AGPS: variants seen among roughly 807,000 people sequenced by gnomAD.
AGPS encodes the protein alkyldihydroxyacetonephosphate synthase, peroxisomal.
In AGPS, 26 loss-of-function variants were observed where a neutral mutation model predicts 90.7. The ratio of observed to expected loss-of-function variants is 0.29; its 90% confidence interval spans 0.21 to 0.40. The LOEUF (loss-of-function observed/expected upper bound fraction) is 0.40, where lower values mean the gene tolerates loss of function less well. Among genes scored for constraint, AGPS ranks in the 10% least tolerant of loss-of-function variants. The pLI, the probability that AGPS is intolerant of heterozygous loss-of-function variation, is 1.00. For synonymous variants in AGPS, 294 were observed against 285.3 expected (o/e 1.03, Z -0.31); for missense variants, 540 against 816.1 (o/e 0.66, Z 4.12).
At chr2:177,427,853 C>G (rs1686126480) in intron 2 of AGPS, among the ~76,000 whole-genome samples, 2 of 152,180 alleles carry the variant, frequency 1.3e-5, no homozygotes, top group African/African-American at 4.8e-5. Context: ...TCTGCTTGAT[C>G]CAAAGCTGAG....
At chr2:177,528,314 A>G (rs1231509280) in intron 19 of AGPS, among the ~76,000 whole-genome samples, 12 of 152,176 alleles carry the variant, frequency 7.9e-5, no homozygotes, top group Admixed American at 7.9e-4. Flanking sequence ...AAAAAAATCA[A>G]TGGTTTCTTC....
chr2:177,418,018 T>C (rs1685835547), intron 1 of AGPS, among the ~76,000 whole-genome samples: 1 of 152,114 alleles, frequency 6.6e-6, no homozygotes, highest in Non-Finnish European at 1.5e-5. Flanking sequence ...TAGATTTTAA[T>C]TGTATATGAT....
Position 177,508,007 on chromosome 2 carries a change from T to C in AGPS, c.1583T>C (p.Phe528Ser). Residue 528 changes from phenylalanine to serine, a missense_variant, in exon 16 of 20, where the codon TTT becomes TCT. By Grantham distance (155) the Phe-to-Ser change is radical. Coordinates refer to ENST00000264167, the MANE Select transcript of AGPS (RefSeq NM_003659.4). ...ALEYYVLGES[F>S]ETSAPWDRVV... ...GAATACTATGTATTAGGAGAATCTTTTGAGACTTCTGCTCCTTGGGACAGG... is the reference window on the plus strand; with the variant it reads ...GAATACTATGTATTAGGAGAATCTTCTGAGACTTCTGCTCCTTGGGACAGG... The C allele has an allele frequency of 6.2e-7, 1 of 1,612,986 alleles. No individual in the cohort carries two copies. The highest frequency in any genetic ancestry group is 8.5e-7 in the Non-Finnish European group (1 of 1,179,046).
chr2:177,438,907 C>T (rs1574367990), intron 5 of AGPS, among the ~76,000 whole-genome samples: 1 of 151,810 alleles, frequency 6.6e-6, no homozygotes, highest in Non-Finnish European at 1.5e-5. Flanking sequence ...TGCAGGAGGC[C>T]TAGTTTTGAG....
intron 11 of AGPS, among the ~76,000 whole-genome samples, chr2:177,484,750 A>T (rs1014029809): frequency 6.6e-6 from 1 of 152,106 alleles, no homozygotes; most frequent in Non-Finnish European, 1.5e-5. Flanking sequence ...ATGAAAAAAA[A>T]TATGAATGCC....
intron 13 of AGPS, among the ~76,000 whole-genome samples, chr2:177,498,969 CTT>C (rs1350808244): frequency 6.6e-6 from 1 of 151,658 alleles, no homozygotes; most frequent in Non-Finnish European, 1.5e-5. Flanking sequence ...ATTTTAGAAA[CTT>C]TTCATCATTT....
intron 10 of AGPS, among the ~76,000 whole-genome samples, chr2:177,474,436 A>G (rs1418582172): frequency 6.6e-6 from 1 of 152,188 alleles, no homozygotes; most frequent in Admixed American, 6.5e-5. Flanking sequence ...AGGCCACCAC[A>G]TGCACAAGCT....
chr2:177,431,551 C>T (rs907221448), intron 2 of AGPS, among the ~76,000 whole-genome samples: 8 of 152,288 alleles, frequency 5.3e-5, no homozygotes, highest in Admixed American at 1.3e-4. Flanking sequence ...ATCTCAACTG[C>T]ATGAGACAGA....
At chr2:177,491,216 A>G (rs1476928320) in intron 11 of AGPS, among the ~76,000 whole-genome samples, 1 of 151,770 alleles carries the variant, frequency 6.6e-6, no homozygotes, top group Non-Finnish European at 1.5e-5. Flanking sequence ...AAGACGGAAT[A>G]GTGTTCTTCT....
At chr2:177,444,014 A>C (rs934293931) in intron 7 of AGPS, among the ~76,000 whole-genome samples, 1 of 151,868 alleles carries the variant, frequency 6.6e-6, no homozygotes, top group African/African-American at 2.4e-5. Context: ...TATATATATA[A>C]GGTACCATCA....
intron 10 of AGPS, among the ~76,000 whole-genome samples, chr2:177,470,458 C>A (rs1406934809): frequency 1.3e-5 from 2 of 152,052 alleles, no homozygotes; most frequent in African/African-American, 4.8e-5. Flanking sequence ...AATCCCAGCA[C>A]TTTGCAAGGC....
rs1296685362 is a variant in AGPS, at chr2:177,541,350, A to G, written c.*3155A>G. 6.6e-6 allele frequency: 1 copy of G among 152,130 alleles called. No homozygotes were observed. Among genetic ancestry groups the G allele is most frequent in the African/African-American group, 2.4e-5 (1 of 41,440 alleles). The allele number at this position is 152,130 out of a possible 1,614,324, so 9.4% of individuals were successfully genotyped here. On this transcript the variant is annotated 3_prime_UTR_variant, in exon 20 of 20. Transcript: ENST00000264167. Reference sequence around the variant, plus strand: ...TTTGTCATATTCCTTTATAGCTACAACTTAACTGTAGCTTATCAGAGAAGC... The same window carrying G: ...TTTGTCATATTCCTTTATAGCTACAGCTTAACTGTAGCTTATCAGAGAAGC...
At chr2:177,538,034 C>T (rs1027576360) in intron 19 of AGPS, 40 bp from the exon 20 acceptor site, 16 of 1,611,126 alleles carry the variant, frequency 9.9e-6, no homozygotes, top group East Asian at 6.7e-5. Context: ...TTCCCAGTAT[C>T]ATAGCATATA....
intron 6 of AGPS, 52 bp downstream of exon 6, chr2:177,441,088 T>C (rs781131031): frequency 2.9e-5 from 41 of 1,392,320 alleles, no homozygotes; most frequent in Non-Finnish European, 3.9e-5. Context: ...CTATTTAAAA[T>C]ATTTGTATTT....
Position 177,532,889 on chromosome 2 carries a change from C to T in AGPS, c.1856-5185C>T, listed in dbSNP as rs553676348. Among the ~76,000 whole-genome samples, 6 of 152,296 alleles carry T rather than the reference C, an allele frequency of 3.9e-5. No homozygotes were observed. In the South Asian group the frequency reaches 1.2e-3, roughly 32 times the overall value. On this transcript the variant is annotated intron_variant, in intron 19 of 19. Coordinates refer to ENST00000264167, the MANE Select transcript of AGPS (RefSeq NM_003659.4). ...GAATAAAATCCATCCCAAAAGGTTA[C>T]ATACTGCCTGGTTCTATTTCTATAA...
Position 177,392,795 on chromosome 2 carries a change from G to A in AGPS, c.6G>A (p.Ala2=), listed in dbSNP as rs755836525. The change falls in exon 1 of 20, where the codon GCG becomes GCA. Residue 2 remains alanine (A), a synonymous_variant. Transcript: ENST00000264167. M[A]EAAAAAGGTG... ...GGCAGCACAAGGCGGTAGCCATGGC[G>A]GAGGCGGCGGCTGCAGCGGGTGGGA... The A allele has an allele frequency of 6.0e-6, 9 of 1,498,108 alleles. No homozygotes were observed. The South Asian group carries it at 8.1e-5, about 13-fold the overall frequency. The allele number at this position is 1,498,108 out of a possible 1,614,324, so 92.8% of individuals were successfully genotyped here.
At chr2:177,525,364 G>A (rs1022508887) in intron 19 of AGPS, among the ~76,000 whole-genome samples, 31 of 152,088 alleles carry the variant, frequency 2.0e-4, no homozygotes, top group East Asian at 5.8e-4. Flanking sequence ...TGAATTATTC[G>A]TTTGTTTTTT....
intron 19 of AGPS, among the ~76,000 whole-genome samples, chr2:177,529,019 C>A (rs891875938): frequency 6.6e-6 from 1 of 151,892 alleles, no homozygotes; most frequent in African/African-American, 2.4e-5. Flanking sequence ...CCACACCCAG[C>A]TAATTTTTTG....
In AGPS at chr2:177,435,617, A is replaced by T. The variant is rs886548931; in HGVS notation, c.442-1147A>T. ...AACTCACTGTTGTATCAAGACCTTG[A>T]AGAGTGGCTAGCTTATAGCAGCCAC... is the stretch of plus-strand genomic sequence containing the variant. On this transcript the variant is annotated intron_variant, in intron 3 of 19. Transcript: ENST00000264167. 2.6e-5 allele frequency among the ~76,000 whole-genome samples: 4 copies of T among 152,294 alleles called. No individual in the cohort carries two copies. In the East Asian group the frequency reaches 5.8e-4, roughly 22 times the overall value.
Sources: gnomAD v4.1 joint callset for allele counts (sites outside exome capture counted in the v4.1 genomes callset) on GRCh38, gnomAD v4.1.1 for gene constraint, MANE v1.5 for transcripts, NCBI Gene and HGNC (gene_info 2026-07-23, HGNC 2026-07-21) for gene names.